The following DDX1 variants were observed in gnomAD, a reference collection of about 807,000 sequenced individuals.
DDX1 encodes DEAD-box helicase 1.
Under a neutral mutation model 108.7 loss-of-function variants are expected in DDX1, and 28 were observed. The observed-to-expected ratio is 0.26, with a 90% CI of 0.19 to 0.35. DDX1 has a LOEUF of 0.35. Ranked by LOEUF, DDX1 falls within the 10% of genes least tolerant of loss-of-function variation. The pLI is 1.00. For missense variants in DDX1, 710 were observed against 884.5 expected, an observed-to-expected ratio of 0.80 and a Z score of 2.50; for synonymous variants, 295 against 288.9, an observed-to-expected ratio of 1.02 and a Z score of -0.21.
intron 14 of DDX1, among the ~76,000 whole-genome samples, chr2:15,615,839 C>G (rs1665884379): frequency 6.6e-6 from 1 of 151,996 alleles, no homozygotes; most frequent in Non-Finnish European, 1.5e-5. Flanking sequence ...TATGTAATAC[C>G]TTATTTGTGC....
chr2:15,628,696 A>G lies in DDX1; in HGVS notation c.1818A>G (p.Val606=). ...KQNYVHRIGR[V]GRAERMGLAI... Reference sequence around the variant, plus strand: ...ACTACGTACATCGAATTGGCAGAGTAGGAAGAGCTGAAAGGTACTTCTGCA... The same window carrying G: ...ACTACGTACATCGAATTGGCAGAGTGGGAAGAGCTGAAAGGTACTTCTGCA... The change falls in exon 22 of 26, where the codon GTA becomes GTG. Residue 606 remains valine, a synonymous_variant. Coordinates refer to ENST00000233084, the MANE Select transcript of DDX1 (RefSeq NM_004939.3). 1 of 1,613,060 alleles carries G rather than the reference A, an allele frequency of 6.2e-7. No homozygotes were observed. Among genetic ancestry groups the G allele is most frequent in the Non-Finnish European group, 8.5e-7 (1 of 1,179,632 alleles).
At chr2:15,623,361 G>A (rs1666041756) in intron 18 of DDX1, 75 bp from the exon 19 acceptor site, 2 of 1,435,230 alleles carry the variant, frequency 1.4e-6, no homozygotes, top group African/African-American at 2.8e-5. Flanking sequence ...GTCAGTCTGT[G>A]ACTATAATTA....
At position 15,595,359 on chromosome 2, in the gene DDX1, A is replaced by G. The variant is rs1439184239; in HGVS notation, c.69-131A>G. 2.5e-5 allele frequency: 23 copies of G among 910,968 alleles called. No individual in the cohort carries two copies. The East Asian group carries it at 5.8e-4, about 23-fold the overall frequency. The allele number at this position is 910,968 out of a possible 1,614,324, so 56.4% of individuals were successfully genotyped here. A position where few individuals can be genotyped will look rare whatever the true frequency, so the allele number is the denominator to read the frequency against. On this transcript the variant is annotated intron_variant, in intron 2 of 25. Coordinates refer to ENST00000233084, the MANE Select transcript of DDX1 (RefSeq NM_004939.3). ...AAAGTTTCCTTTTTTTAACCTTGAC[A>G]TATTTCTAGTGGAATAAGATGGATC...
At chr2:15,623,842 T>C (rs1391138580) in intron 19 of DDX1, among the ~76,000 whole-genome samples, 1 of 152,036 alleles carries the variant, frequency 6.6e-6, no homozygotes, top group Admixed American at 6.6e-5. Context: ...GGAAGAAGGA[T>C]AAAGTAATTT....
At chr2:15,626,863 G>T (rs979758300) in intron 19 of DDX1, among the ~76,000 whole-genome samples, 191 bp from the exon 20 acceptor site, 7 of 152,124 alleles carry the variant, frequency 4.6e-5, no homozygotes, top group Non-Finnish European at 8.8e-5. Context: ...CAACTTTAAT[G>T]CTCCGTAGAG....
intron 17 of DDX1, among the ~76,000 whole-genome samples, chr2:15,620,720 T>C (rs954497464): frequency 1.3e-5 from 2 of 152,194 alleles, no homozygotes; most frequent in African/African-American, 4.8e-5. Flanking sequence ...GTCCTCTTGA[T>C]GTACTTTGTT....
intron 20 of DDX1, chr2:15,627,542 A>C (rs1666121362): frequency 6.1e-6 from 1 of 164,188 alleles, no homozygotes; most frequent in African/African-American, 2.4e-5. Context: ...TGTAGAATTA[A>C]AGGTATTTTG....
At chr2:15,610,516 A>G (rs7594193) in intron 13 of DDX1, among the ~76,000 whole-genome samples, 36,519 of 152,166 alleles carry the variant, frequency 0.24, 5,401 homozygotes, top group African/African-American at 0.42. Context: ...TTGGCCAGTC[A>G]TTGAAATGAG....
At chr2:15,609,765 T>G (rs1202465754) in intron 13 of DDX1, among the ~76,000 whole-genome samples, 3 of 152,322 alleles carry the variant, frequency 2.0e-5, no homozygotes, top group Non-Finnish European at 2.9e-5. Flanking sequence ...AAAATGATAG[T>G]TTAGGACAAT....
chr2:15,621,389 C>T (rs1032518529), intron 18 of DDX1: 1 of 323,926 alleles, frequency 3.1e-6, no homozygotes, highest in Admixed American at 5.2e-5. Context: ...TCAAGGCAAC[C>T]TCGGCCACCC....
chr2:15,597,513 G>T (rs367950112), intron 5 of DDX1, 42 bp downstream of exon 5: 1 of 1,286,022 alleles, frequency 7.8e-7, no homozygotes, highest in African/African-American at 1.5e-5. Flanking sequence ...ATAAATCATT[G>T]GTTCTCATCA....
chr2:15,616,102 G>A (rs1407436659), intron 14 of DDX1, among the ~76,000 whole-genome samples: 3 of 151,710 alleles, frequency 2.0e-5, no homozygotes, highest in Non-Finnish European at 4.4e-5. Flanking sequence ...TAGTAGAGAC[G>A]GGGTTTCACC....
chr2:15,629,064 G>T (rs1251385169), intron 23 of DDX1, among the ~76,000 whole-genome samples: 1 of 152,034 alleles, frequency 6.6e-6, no homozygotes, highest in Admixed American at 6.6e-5. Flanking sequence ...TAGCTTTATT[G>T]TACTCATTTC....
At chr2:15,623,936 GA>G (rs11405063) in intron 19 of DDX1, among the ~76,000 whole-genome samples, 1 of 151,428 alleles carries the variant, frequency 6.6e-6, no homozygotes, top group Admixed American at 6.6e-5. Flanking sequence ...GGGGAATGAG[GA>G]AAAAAAACCT....
chr2:15,612,434 C>T (rs957962194), intron 13 of DDX1, among the ~76,000 whole-genome samples: 4 of 151,974 alleles, frequency 2.6e-5, no homozygotes, highest in East Asian at 3.9e-4. Context: ...GCGCTCCTCA[C>T]TTCCTAGATG....
intron 19 of DDX1, among the ~76,000 whole-genome samples, chr2:15,624,292 C>G (rs1573050966): frequency 6.6e-6 from 1 of 152,244 alleles, no homozygotes; most frequent in Non-Finnish European, 1.5e-5. Context: ...TAAAGAGTCA[C>G]TATGTAATAA....
At chr2:15,600,564 C>T (rs769673937) in intron 6 of DDX1, among the ~76,000 whole-genome samples, 11 of 151,960 alleles carry the variant, frequency 7.2e-5, no homozygotes, top group Non-Finnish European at 1.3e-4. Context: ...TTTTGTTGGC[C>T]CTGCATAATT....
At chr2:15,600,740 CTTTTTTTTTTTTT>C (rs1157559293) in intron 6 of DDX1, among the ~76,000 whole-genome samples, 86 of 73,554 alleles carry the variant, frequency 1.2e-3, no homozygotes, top group East Asian at 9.2e-3. Context: ...TTTGCATTTT[CTTTTTTTTTTTTT>C]TTTTTTTTTT....
chr2:15,625,543 G>T (rs1432105545), intron 19 of DDX1, among the ~76,000 whole-genome samples: 2 of 152,148 alleles, frequency 1.3e-5, no homozygotes. Context: ...ATATGAAGAT[G>T]AGTTGATGGA....
Sources: gnomAD v4.1 joint callset for allele counts (sites outside exome capture counted in the v4.1 genomes callset) on GRCh38, gnomAD v4.1.1 for gene constraint, MANE v1.5 for transcripts, NCBI Gene and HGNC (gene_info 2026-07-23, HGNC 2026-07-21) for gene names.